The following LAMA2 variants were observed in gnomAD, a reference collection of about 807,000 sequenced individuals.
The protein encoded by LAMA2 is laminin subunit alpha-2.
LAMA2 carries 269 observed loss-of-function variants against 364.8 expected under a neutral mutation model. That is an observed-to-expected ratio of 0.74 (90% confidence interval 0.67 to 0.82). The LOEUF (loss-of-function observed/expected upper bound fraction) is 0.82, where lower values mean the gene tolerates loss of function less well. Among genes scored for constraint, LAMA2 ranks in the 40% least tolerant of loss-of-function variants. LAMA2 has a pLI of 0.00. For missense variants in LAMA2, 3,807 were observed against 3,873.2 expected, an observed-to-expected ratio of 0.98 and a Z score of 0.45; for synonymous variants, 1,379 against 1,370.6, an observed-to-expected ratio of 1.01 and a Z score of -0.14.
At chr6:129,042,746 A>T (rs962991433) in intron 1 of LAMA2, among the ~76,000 whole-genome samples, 2 of 152,192 alleles carry the variant, frequency 1.3e-5, no homozygotes, top group African/African-American at 4.8e-5. Context: ...TAAAAAGATC[A>T]TATAAATGAA....
chr6:129,069,758 A>G (rs1446217026), intron 3 of LAMA2, among the ~76,000 whole-genome samples: 1 of 148,366 alleles, frequency 6.7e-6, no homozygotes, highest in East Asian at 1.9e-4. Context: ...AATATACAAA[A>G]TATAGATAAT....
intron 3 of LAMA2, among the ~76,000 whole-genome samples, chr6:129,096,840 C>G (rs1487340842): frequency 1.3e-5 from 2 of 152,206 alleles, no homozygotes; most frequent in Non-Finnish European, 2.9e-5. Context: ...AGCATGCATG[C>G]ATTCAAGTAA....
chr6:129,393,606 CAATT>C (rs1291057243), intron 37 of LAMA2, among the ~76,000 whole-genome samples: 2 of 152,116 alleles, frequency 1.3e-5, no homozygotes, highest in Non-Finnish European at 2.9e-5. Context: ...TTGGGCAAGT[CAATT>C]AATCTGTAAG....
intron 1 of LAMA2, among the ~76,000 whole-genome samples, chr6:128,995,954 T>A (rs2077975887): frequency 6.6e-6 from 1 of 152,228 alleles, no homozygotes; most frequent in African/African-American, 2.4e-5. Context: ...TTCCTTTTTA[T>A]TCTCTCTGAT....
At chr6:128,986,236 T>G (rs1466988765) in intron 1 of LAMA2, among the ~76,000 whole-genome samples, 2 of 152,202 alleles carry the variant, frequency 1.3e-5, no homozygotes, top group African/African-American at 4.8e-5. Context: ...TCCTTAATGA[T>G]TCTCATGCTT....
chr6:128,899,363 A>G (rs946768039), intron 1 of LAMA2, among the ~76,000 whole-genome samples: 4 of 152,238 alleles, frequency 2.6e-5, no homozygotes, highest in Non-Finnish European at 5.9e-5. Context: ...AGCAATTGCT[A>G]TGGCAGAGAA....
chr6:129,050,211 A>AGGAAGAAGCTC, intron 2 of LAMA2, 123 bp downstream of exon 2: 3 of 961,974 alleles, frequency 3.1e-6, no homozygotes, highest in Non-Finnish European at 4.8e-6. Flanking sequence ...TCTTTTTACC[A>AGGAAGAAGCTC]TTAAGAGCTT....
chr6:129,148,130 G>A (rs564591401), intron 6 of LAMA2, among the ~76,000 whole-genome samples: 2 of 151,908 alleles, frequency 1.3e-5, no homozygotes, highest in Non-Finnish European at 2.9e-5. Context: ...TTATTTGGAG[G>A]AAGTGAAAAA....
intron 39 of LAMA2, among the ~76,000 whole-genome samples, chr6:129,403,339 G>A (rs1780078043): frequency 6.6e-6 from 1 of 152,190 alleles, no homozygotes; most frequent in Non-Finnish European, 1.5e-5. Flanking sequence ...GGTATCATCA[G>A]ATCCAGGCTC....
At chr6:129,239,638 T>A (rs1449223017) in intron 12 of LAMA2, among the ~76,000 whole-genome samples, 1 of 152,160 alleles carries the variant, frequency 6.6e-6, no homozygotes, top group Non-Finnish European at 1.5e-5. Flanking sequence ...GAGAAATGGA[T>A]ACCCTACAAA....
chr6:129,377,997 A>T (rs1778472366), intron 34 of LAMA2, among the ~76,000 whole-genome samples: 1 of 152,170 alleles, frequency 6.6e-6, no homozygotes, highest in Non-Finnish European at 1.5e-5. Flanking sequence ...TAGTTGAGTG[A>T]ATGTCAACAT....
intron 31 of LAMA2, among the ~76,000 whole-genome samples, chr6:129,352,549 A>G (rs571045647): frequency 1.8e-4 from 27 of 152,218 alleles, no homozygotes; most frequent in Non-Finnish European, 3.2e-4. Flanking sequence ...CCTCATTGGT[A>G]AAATTAATGG....
intron 45 of LAMA2, 131 bp downstream of exon 45, chr6:129,445,952 G>A: frequency 2.4e-6 from 2 of 843,254 alleles, no homozygotes; most frequent in African/African-American, 1.7e-5. Flanking sequence ...AGCGATTTGG[G>A]GTAGGAGGGG....
chr6:128,969,619 T>C (rs1048432300), intron 1 of LAMA2, among the ~76,000 whole-genome samples: 1 of 152,070 alleles, frequency 6.6e-6, no homozygotes, highest in African/African-American at 2.4e-5. Context: ...TTAGTAGATA[T>C]GAGGTTTCAC....
chr6:129,331,929 C>T (rs375921764), intron 29 of LAMA2, among the ~76,000 whole-genome samples: 7 of 152,170 alleles, frequency 4.6e-5, no homozygotes, highest in African/African-American at 1.7e-4. Context: ...AAACCCTTTG[C>T]TCAATTTGCT....
intron 31 of LAMA2, among the ~76,000 whole-genome samples, chr6:129,350,775 C>G (rs1054952119): frequency 6.6e-5 from 10 of 152,208 alleles, no homozygotes; most frequent in Admixed American, 5.9e-4. Flanking sequence ...CTGTATTAAT[C>G]ATGGCAATAA....
At chr6:128,944,009 A>G (rs1780340725) in intron 1 of LAMA2, among the ~76,000 whole-genome samples, 1 of 152,168 alleles carries the variant, frequency 6.6e-6, no homozygotes. Context: ...TGTCTACTGG[A>G]GATTTGTTCT....
At chr6:129,473,739 A>G (rs1287561501) in intron 52 of LAMA2, among the ~76,000 whole-genome samples, 3 of 152,052 alleles carry the variant, frequency 2.0e-5, no homozygotes, top group African/African-American at 7.2e-5. Flanking sequence ...CCAGGATGCT[A>G]TGAGTATAAC....
At chr6:128,987,100 T>G (rs1783292635) in intron 1 of LAMA2, among the ~76,000 whole-genome samples, 1 of 151,610 alleles carries the variant, frequency 6.6e-6, no homozygotes, top group Non-Finnish European at 1.5e-5. Flanking sequence ...CTTTTGCTTT[T>G]TGTCATTGCA....
Sources: gnomAD v4.1 joint callset for allele counts (sites outside exome capture counted in the v4.1 genomes callset) on GRCh38, gnomAD v4.1.1 for gene constraint, MANE v1.5 for transcripts, NCBI Gene and HGNC (gene_info 2026-07-23, HGNC 2026-07-21) for gene names.